The following PRPSAP1 variants were observed in gnomAD, a reference collection of about 807,000 sequenced individuals.
PRPSAP1 encodes the protein phosphoribosyl pyrophosphate synthetase associated protein 1, also known as phosphoribosyl pyrophosphate synthase-associated protein 1.
In PRPSAP1, 31 loss-of-function variants were observed where a neutral mutation model predicts 39.4. That is an observed-to-expected ratio of 0.79 (90% CI 0.59 to 1.06). PRPSAP1 has a LOEUF of 1.06. PRPSAP1 is among the 50% of genes least tolerant of loss of function. The pLI is 0.00. For missense variants in PRPSAP1, 430 were observed against 511.6 expected, an observed-to-expected ratio of 0.84 and a Z score of 1.54; for synonymous variants, 212 against 192.6, an observed-to-expected ratio of 1.10 and a Z score of -0.83.
At chr17:76,339,944 C>A (rs1029047806) in intron 3 of PRPSAP1, among the ~76,000 whole-genome samples, 1 of 151,360 alleles carries the variant, frequency 6.6e-6, no homozygotes, top group African/African-American at 2.4e-5. Context: ...CCAGCCTGGG[C>A]AACATGGCAA....
chr17:76,340,628 C>T (rs975254452), intron 3 of PRPSAP1, among the ~76,000 whole-genome samples: 3 of 151,908 alleles, frequency 2.0e-5, no homozygotes, highest in Admixed American at 6.6e-5. Flanking sequence ...CGGTGGCTCG[C>T]GCCTGTAATG....
chr17:76,328,879 A>G lies in PRPSAP1; in HGVS notation c.636-17T>C, dbSNP rs1331852720. The stretch of plus-strand genomic sequence containing the variant: ...GACTGGGCCCTAGAAGGACAAAGGG[A>G]AATGGTGAAACTGACAGGAAGAAAT... On this transcript the variant is annotated splice_polypyrimidine_tract_variant and intron_variant, in intron 6 of 9. Coordinates refer to ENST00000446526, the MANE Select transcript of PRPSAP1 (RefSeq NM_002766.3). The G allele has an allele frequency of 6.3e-6, 10 of 1,593,686 alleles. No homozygotes were observed. The highest frequency in any genetic ancestry group is 8.5e-6 in the Non-Finnish European group (10 of 1,169,970).
chr17:76,345,197 T>C (rs1168871693), intron 2 of PRPSAP1, among the ~76,000 whole-genome samples: 1 of 128,658 alleles, frequency 7.8e-6, no homozygotes, highest in Non-Finnish European at 1.6e-5. Flanking sequence ...ATCGCGCCAC[T>C]GCACTCCAGC....
chr17:76,312,653 T>C (rs58119532), intron 9 of PRPSAP1: 55,059 of 451,944 alleles, frequency 0.12, 3,629 homozygotes, highest in Admixed American at 0.18. Flanking sequence ...ATTGCAATGG[T>C]TTTGCATCAT....
intron 2 of PRPSAP1, among the ~76,000 whole-genome samples, chr17:76,345,609 G>GAA (rs60667192): frequency 1.5e-3 from 145 of 99,550 alleles, no homozygotes; most frequent in Non-Finnish European, 1.6e-3. Flanking sequence ...CTTGTCTGGA[G>GAA]AAAAAAAAAA....
At chr17:76,338,403 GATA>G (rs2071401319) in intron 3 of PRPSAP1, among the ~76,000 whole-genome samples, 1 of 152,080 alleles carries the variant, frequency 6.6e-6, no homozygotes, top group African/African-American at 2.4e-5. Context: ...TGTAACCGCA[GATA>G]ATATTAAAAA....
chr17:76,351,243 G>A (rs1291036794), intron 1 of PRPSAP1, among the ~76,000 whole-genome samples: 5 of 151,988 alleles, frequency 3.3e-5, no homozygotes, highest in Non-Finnish European at 7.4e-5. Flanking sequence ...GTGGCCGGGC[G>A]CGGTGGCTCA....
intron 1 of PRPSAP1, 79 bp downstream of exon 1, chr17:76,353,455 G>A: frequency 7.5e-7 from 1 of 1,335,750 alleles, no homozygotes; most frequent in Non-Finnish European, 9.8e-7. Context: ...GGGGCGGGTG[G>A]AGGGGAGCGG....
rs547848038 is a variant in PRPSAP1 at position 76,341,948 on chromosome 17, G to A, written c.290+2723C>T. Reference sequence around the variant, plus strand: ...AGTGAGACTCCGTCTAAAAATAAAAGATGGAGAGTCAAACAAAACCACCAG... The same window carrying A: ...AGTGAGACTCCGTCTAAAAATAAAAAATGGAGAGTCAAACAAAACCACCAG... On this transcript the variant is annotated intron_variant, in intron 3 of 9. Transcript: ENST00000446526. Among the ~76,000 whole-genome samples the A allele has an allele frequency of 9.9e-5, 15 of 152,178 alleles. No individual in the cohort carries two copies. The South Asian group carries it at 3.1e-3, about 32-fold the overall frequency.
intron 2 of PRPSAP1, among the ~76,000 whole-genome samples, chr17:76,347,500 A>G (rs1258584364): frequency 2.0e-5 from 3 of 150,368 alleles, no homozygotes; most frequent in East Asian, 1.9e-4. Context: ...AAAAAAAAAA[A>G]AAAAAAAAAA....
intron 7 of PRPSAP1, among the ~76,000 whole-genome samples, chr17:76,320,125 C>T (rs2143466770): frequency 6.6e-6 from 1 of 151,992 alleles, no homozygotes; most frequent in African/African-American, 2.4e-5. Flanking sequence ...CAAAAATTAG[C>T]CGGGTGTGGT....
At chr17:76,334,709 T>A (rs1438603932) in intron 3 of PRPSAP1, among the ~76,000 whole-genome samples, 1 of 152,204 alleles carries the variant, frequency 6.6e-6, no homozygotes, top group Non-Finnish European at 1.5e-5. Context: ...GACATTCCTT[T>A]TAGACTGCTA....
chr17:76,352,644 C>CAAAAAAAAAAAAAAAA (rs55986677), intron 1 of PRPSAP1, among the ~76,000 whole-genome samples: 5 of 53,580 alleles, frequency 9.3e-5, no homozygotes, highest in Non-Finnish European at 1.2e-4. Context: ...GACTCCGTCT[C>CAAAAAAAAAAAAAAAA]AAAAAAAAAA....
At chr17:76,337,089 T>C (rs868055679) in intron 3 of PRPSAP1, among the ~76,000 whole-genome samples, 7 of 152,136 alleles carry the variant, frequency 4.6e-5, no homozygotes, top group Middle Eastern at 3.2e-3. Flanking sequence ...CTACTTTTCT[T>C]TCTTTTTTTT....
chr17:76,324,961 G>A (rs866312853), intron 7 of PRPSAP1, among the ~76,000 whole-genome samples: 1 of 151,770 alleles, frequency 6.6e-6, no homozygotes, highest in South Asian at 2.1e-4. Flanking sequence ...CCAGCTACTT[G>A]GGAGGCTGCG....
chr17:76,348,253 C>G (rs753090084), intron 2 of PRPSAP1, among the ~76,000 whole-genome samples: 137 of 151,822 alleles, frequency 9.0e-4, no homozygotes, highest in Admixed American at 1.5e-3. Flanking sequence ...CAATAGGGTC[C>G]CCTGAGGTCA....
intron 2 of PRPSAP1, among the ~76,000 whole-genome samples, chr17:76,347,262 G>A (rs1025889003): frequency 2.6e-5 from 4 of 151,652 alleles, no homozygotes; most frequent in African/African-American, 4.8e-5. Flanking sequence ...CAAGACGGGT[G>A]GATCACCTGA....
chr17:76,339,989 T>C (rs983206385), intron 3 of PRPSAP1, among the ~76,000 whole-genome samples: 2 of 150,632 alleles, frequency 1.3e-5, no homozygotes, highest in Admixed American at 6.6e-5. Context: ...AAATTAGCCA[T>C]GCATGGTGGC....
At chr17:76,312,628 ATACAT>A (rs1294130075) in intron 9 of PRPSAP1, among the ~76,000 whole-genome samples, 3 of 152,216 alleles carry the variant, frequency 2.0e-5, no homozygotes, top group African/African-American at 4.8e-5. Context: ...ATCGAATACT[ATACAT>A]TACATCGTAA....
Sources: gnomAD v4.1 joint callset for allele counts (sites outside exome capture counted in the v4.1 genomes callset) on GRCh38, gnomAD v4.1.1 for gene constraint, MANE v1.5 for transcripts, NCBI Gene and HGNC (gene_info 2026-07-23, HGNC 2026-07-21) for gene names.